The following POTEI variants were observed in gnomAD, a reference collection of about 807,000 sequenced individuals.
POTEI encodes POTE ankyrin domain family member I, also known as POTE ankyrin domain family, member I.
Under a neutral mutation model 43.4 loss-of-function variants are expected in POTEI, and 14 were observed. The observed-to-expected ratio is 0.32, with a 90% CI of 0.21 to 0.50. The LOEUF is 0.50. Among genes scored for constraint, POTEI ranks in the 20% least tolerant of loss-of-function variants. The probability of loss-of-function intolerance (pLI) is 0.98; values close to 1 mark genes in which losing one functional copy is unlikely to be tolerated. For synonymous variants in POTEI, 95 were observed against 297.9 expected (o/e 0.32, Z 7.01); for missense variants, 235 against 795.4 (o/e 0.30, Z 8.47).
chr2:130,468,847 T>G (rs1157687271), intron 13 of POTEI, among the ~76,000 whole-genome samples: 1 of 152,206 alleles, frequency 6.6e-6, no homozygotes, highest in Non-Finnish European at 1.5e-5. Flanking sequence ...AGTCAAAATA[T>G]AGAAAAAGCT....
chr2:130,496,701 G>A, intron 5 of POTEI, 79 bp from the exon 6 acceptor site: 1 of 1,482,718 alleles, frequency 6.7e-7, no homozygotes, highest in Non-Finnish European at 9.1e-7. Context: ...GAATTATTAA[G>A]AGTATTTCAA....
At chr2:130,474,204 T>C (rs572052443) in intron 13 of POTEI, among the ~76,000 whole-genome samples, 174 bp downstream of exon 13, 274 of 149,904 alleles carry the variant, frequency 1.8e-3, no homozygotes, top group African/African-American at 6.1e-3. Flanking sequence ...AATAAATTAA[T>C]GACTGGAAAA....
chr2:130,496,753 A>T (rs1219486194), intron 5 of POTEI, 131 bp from the exon 6 acceptor site: 11 of 561,036 alleles, frequency 2.0e-5, no homozygotes, highest in Non-Finnish European at 3.2e-5. Context: ...TATCCCATCC[A>T]CTTATGAGTA....
chr2:130,482,463 G>A (rs545156638), intron 9 of POTEI, among the ~76,000 whole-genome samples: 1 of 150,622 alleles, frequency 6.6e-6, no homozygotes, highest in East Asian at 1.9e-4. Context: ...TTACTAGGTT[G>A]TTATAATGAT....
chr2:130,505,122 G>C (rs1235173520), intron 1 of POTEI, among the ~76,000 whole-genome samples: 7 of 149,800 alleles, frequency 4.7e-5, no homozygotes, highest in Admixed American at 4.6e-4. Context: ...AGGTATCTGT[G>C]TGTTCTCATC....
chr2:130,507,307 TATATATATATAC>T (rs1558895849), intron 1 of POTEI, among the ~76,000 whole-genome samples: 20 of 12,388 alleles, frequency 1.6e-3, no homozygotes, highest in African/African-American at 2.3e-3. Flanking sequence ...TATATATATA[TATATATATATAC>T]ACACACACAC....
intron 6 of POTEI, among the ~76,000 whole-genome samples, chr2:130,492,783 A>G (rs1683789358): frequency 8.6e-6 from 1 of 116,932 alleles, no homozygotes; most frequent in African/African-American, 3.0e-5. Flanking sequence ...TTGGTTTGGG[A>G]AGGTGATTTC....
Position 130,462,527 on chromosome 2 carries a change from C to T in POTEI, c.*289G>A, listed in dbSNP as rs1682676008. ...AGAAGTGGGGTGGCTTTTAGCAGGG[C>T]AAGGGGCTTCCTGAAACAATGCGTC... On this transcript the variant is annotated 3_prime_UTR_variant, in exon 15 of 15. Coordinates refer to ENST00000451531, the MANE Select transcript of POTEI (RefSeq NM_001277406.2). 2.7e-6 allele frequency: 1 copy of T among 366,018 alleles called. No individual in the cohort carries two copies. The highest frequency in any genetic ancestry group is 4.2e-5 in the Admixed American group (1 of 23,898). The allele number at this position is 366,018 out of a possible 1,614,324, so 22.7% of individuals were successfully genotyped here. A position where few individuals can be genotyped will look rare whatever the true frequency, so the allele number is the denominator to read the frequency against.
At chr2:130,479,351 A>G (rs2579479) in intron 10 of POTEI, among the ~76,000 whole-genome samples, 101 of 144,584 alleles carry the variant, frequency 7.0e-4, no homozygotes, top group East Asian at 2.5e-3. Context: ...GATTTCTAAC[A>G]TTATTTATTT....
chr2:130,492,228 AAAC>A (rs1683765479), intron 6 of POTEI, among the ~76,000 whole-genome samples: 1 of 68,664 alleles, frequency 1.5e-5, no homozygotes, highest in African/African-American at 4.5e-5. Context: ...TAGGGTTTAA[AAAC>A]AATTAAAATA....
Position 130,463,656 on chromosome 2 carries a change from C to T in POTEI, c.2388G>A (p.Val796=), listed in dbSNP as rs1426680277. 6.2e-7 allele frequency: 1 copy of T among 1,607,664 alleles called. No individual in the cohort carries two copies. Among genetic ancestry groups the T allele is most frequent in the Non-Finnish European group, 8.5e-7 (1 of 1,179,522 alleles). The change falls in exon 15 of 15, where the codon GTG becomes GTA. Residue 796 remains valine, a synonymous_variant. Transcript: ENST00000451531. ...WHHTFYNELR[V]APEEHPILLT... Reference sequence around the variant, plus strand: ...GCAGGATGGGGTGCTCCTCAGGGGCCACACGCAGCTCGTTGTAGAAGGTGT... The same window carrying T: ...GCAGGATGGGGTGCTCCTCAGGGGCTACACGCAGCTCGTTGTAGAAGGTGT...
chr2:130,468,693 G>T (rs1476512509), intron 13 of POTEI, among the ~76,000 whole-genome samples: 1 of 121,502 alleles, frequency 8.2e-6, no homozygotes, highest in Admixed American at 8.0e-5. Flanking sequence ...GAAACACAAA[G>T]CCAAACTATT....
At chr2:130,467,547 A>C (rs1682872443) in intron 13 of POTEI, among the ~76,000 whole-genome samples, 2 of 141,508 alleles carry the variant, frequency 1.4e-5, no homozygotes, top group Admixed American at 1.4e-4. Flanking sequence ...TAAGACCTGA[A>C]AACATTGGCC....
At chr2:130,493,178 T>C (rs1410161806) in intron 6 of POTEI, among the ~76,000 whole-genome samples, 1 of 57,782 alleles carries the variant, frequency 1.7e-5, no homozygotes, top group Non-Finnish European at 3.8e-5. Flanking sequence ...TAGGACCGAA[T>C]TTGCTGTGCT....
In POTEI at chr2:130,462,135, C is replaced by A. The variant is rs1294413482; in HGVS notation, c.*681G>T. The A allele has an allele frequency of 7.3e-6, 1 of 136,426 alleles. No homozygotes were observed. The highest frequency in any genetic ancestry group is 1.6e-5 in the Non-Finnish European group (1 of 63,576). The allele number at this position is 136,426 out of a possible 1,614,324, so 8.5% of individuals were successfully genotyped here. On this transcript the variant is annotated 3_prime_UTR_variant, in exon 15 of 15. Transcript: ENST00000451531. ...TCCGGTGTTTCCTCGTTGTGTCTTA[C>A]ATTGTCCAGTTCAGAACTGAGCATT... is the stretch of plus-strand genomic sequence containing the variant.
intron 13 of POTEI, among the ~76,000 whole-genome samples, chr2:130,467,309 T>C (rs1172751814): frequency 1.1e-5 from 1 of 89,612 alleles, no homozygotes; most frequent in African/African-American, 4.1e-5. Flanking sequence ...GGTACTCGTA[T>C]AAAAACAGAT....
intron 11 of POTEI, among the ~76,000 whole-genome samples, chr2:130,475,164 G>A (rs1484427775): frequency 8.8e-6 from 1 of 113,350 alleles, no homozygotes; most frequent in Non-Finnish European, 1.7e-5. Flanking sequence ...CCACATCACT[G>A]GCTTCTAACA....
intron 10 of POTEI, among the ~76,000 whole-genome samples, chr2:130,477,138 TA>T (rs1683222430): frequency 6.6e-6 from 1 of 151,544 alleles, no homozygotes; most frequent in Non-Finnish European, 1.5e-5. Flanking sequence ...CTGACAAATT[TA>T]TTTTCTTTTT....
chr2:130,507,319 C>CAT lies in POTEI; in HGVS notation c.521+1395_521+1396insAT, dbSNP rs1159775299. On this transcript the variant is annotated intron_variant, in intron 1 of 14. Transcript: ENST00000451531. ...ATATATATATATATATATATATATA[C>CAT]ACACACACACACACACACATATATA... 2.9e-3 allele frequency among the ~76,000 whole-genome samples: 14 copies of CAT among 4,826 alleles called. 1 individual carries two copies. Among genetic ancestry groups the CAT allele is most frequent in the African/African-American group, 5.8e-3 (14 of 2,418 alleles). The allele number at this position is 4,826 out of a possible 152,430, so 3.2% of individuals were successfully genotyped here.
Sources: allele counts gnomAD v4.1 joint callset (sites outside exome capture counted in the v4.1 genomes callset), GRCh38; gene constraint gnomAD v4.1.1; transcripts MANE v1.5; gene names NCBI Gene and HGNC (gene_info 2026-07-23, HGNC 2026-07-21).